The following DLG1 variants were observed in gnomAD, a reference collection of about 807,000 sequenced individuals.
The protein encoded by DLG1 is disks large homolog 1.
DLG1 carries 42 observed loss-of-function variants against 123.4 expected under a neutral mutation model. That is an observed-to-expected ratio of 0.34 (90% confidence interval 0.27 to 0.44). DLG1 has a LOEUF of 0.44. Among genes scored for constraint, DLG1 ranks in the 20% least tolerant of loss-of-function variants. The probability of loss-of-function intolerance (pLI) is 1.00; values close to 1 mark genes in which losing one functional copy is unlikely to be tolerated. For missense variants in DLG1, 942 were observed against 1,082.6 expected (o/e 0.87, Z 1.82); for synonymous variants, 317 against 356.2 (o/e 0.89, Z 1.24).
In DLG1 at chr3:197,194,592, G is replaced by A. The variant is rs373822526; in HGVS notation, c.319-3C>T. The A allele has an allele frequency of 4.1e-5, 64 of 1,572,380 alleles. No individual in the cohort carries two copies. Among genetic ancestry groups the A allele is most frequent in the South Asian group, 2.4e-4 (20 of 81,654 alleles). ...TCTTCATCCTGATACCTGTATTTCT[G>A]TAAAGAAAATAAACATGAAGAAGCC... On this transcript the variant is annotated splice_region_variant and splice_polypyrimidine_tract_variant and intron_variant, in intron 4 of 24. Transcript: ENST00000667157.
intron 5 of DLG1, among the ~76,000 whole-genome samples, chr3:197,185,784 A>T (rs571150474): frequency 5.3e-5 from 8 of 152,310 alleles, no homozygotes; most frequent in Admixed American, 3.3e-4. Context: ...ATGGATGAAG[A>T]TACTGAATAC....
At chr3:197,220,191 A>T (rs1736235384) in intron 4 of DLG1, among the ~76,000 whole-genome samples, 1 of 152,190 alleles carries the variant, frequency 6.6e-6, no homozygotes, top group Non-Finnish European at 1.5e-5. Context: ...TGAATCAATG[A>T]ATAAATTAAT....
intron 13 of DLG1, among the ~76,000 whole-genome samples, chr3:197,110,173 ATTCT>A (rs1453358115): frequency 2.0e-5 from 3 of 151,784 alleles, no homozygotes; most frequent in Non-Finnish European, 2.9e-5. Context: ...ATTTTTCTTC[ATTCT>A]TTCTTTCTTT....
In DLG1 at chr3:197,211,039, T is replaced by C. The variant is rs1394077772; in HGVS notation, c.319-16450A>G. ...CATCTAAAAAATAAATTAATGTAAT[T>C]CTCTATATTTAACAGAATGAAGGAG... On this transcript the variant is annotated intron_variant, in intron 4 of 24. Transcript: ENST00000667157. Among the ~76,000 whole-genome samples the C allele has an allele frequency of 7.6e-5, 11 of 143,876 alleles. 3 individuals carry two copies. The highest frequency in any genetic ancestry group is 1.7e-4 in the Non-Finnish European group (11 of 63,928). The allele number at this position is 143,876 out of a possible 152,430, so 94.4% of individuals were successfully genotyped here.
chr3:197,107,100 G>A (rs1038785522), intron 13 of DLG1, among the ~76,000 whole-genome samples: 4 of 151,940 alleles, frequency 2.6e-5, no homozygotes, highest in Non-Finnish European at 4.4e-5. Context: ...ATACCTATTC[G>A]GTATATTTCA....
intron 11 of DLG1, among the ~76,000 whole-genome samples, chr3:197,122,781 G>C (rs1413634586): frequency 6.6e-6 from 1 of 152,078 alleles, no homozygotes; most frequent in Non-Finnish European, 1.5e-5. Context: ...AATAAAAGAA[G>C]AGATATTCAT....
chr3:197,244,285 T>C (rs1277212245), intron 4 of DLG1, among the ~76,000 whole-genome samples: 5 of 152,058 alleles, frequency 3.3e-5, no homozygotes, highest in Non-Finnish European at 5.9e-5. Context: ...GGATGTGAGG[T>C]GTTGGAAGGG....
chr3:197,059,900 C>G lies in DLG1; in HGVS notation c.2472G>C (p.Met824Ile). The change falls in exon 23 of 25, where the codon ATG becomes ATC. Residue 824 changes from methionine (M) to isoleucine (I), a missense_variant. Physicochemically the swap from Met to Ile is conservative, Grantham distance 10. Coordinates refer to ENST00000667157, the MANE Select transcript of DLG1 (RefSeq NM_001366207.1). ...PISIFIKPKSMENIMEMNKRL... is the reference protein window; with the variant it reads ...PISIFIKPKSIENIMEMNKRL... ...GCATTTACACTTACATGATATTTTC[C>G]ATGGATTTGGGTTTAATAAAAATGG... 6.2e-7 allele frequency: 1 copy of G among 1,611,248 alleles called. No homozygotes were observed.
At chr3:197,076,136 AG>A (rs1354360281) in intron 18 of DLG1, among the ~76,000 whole-genome samples, 1 of 152,212 alleles carries the variant, frequency 6.6e-6, no homozygotes. Context: ...CTATTTTAAA[AG>A]TAAAATCCAG....
intron 4 of DLG1, among the ~76,000 whole-genome samples, chr3:197,205,239 T>C (rs1727905695): frequency 6.6e-6 from 1 of 152,050 alleles, no homozygotes; most frequent in African/African-American, 2.4e-5. Flanking sequence ...TATGATTTTA[T>C]AGGAAGATAT....
intron 23 of DLG1, among the ~76,000 whole-genome samples, chr3:197,052,551 G>A (rs959029994): frequency 6.6e-6 from 1 of 152,116 alleles, no homozygotes; most frequent in Non-Finnish European, 1.5e-5. Flanking sequence ...AATGACAGAG[G>A]GTTTTAACAA....
intron 13 of DLG1, among the ~76,000 whole-genome samples, chr3:197,115,550 T>C (rs1425119934): frequency 6.6e-6 from 1 of 152,204 alleles, no homozygotes; most frequent in Non-Finnish European, 1.5e-5. Context: ...GTTGAACCCA[T>C]GTTTGGGTAG....
intron 23 of DLG1, 146 bp from the exon 24 acceptor site, chr3:197,051,814 A>T (rs569254925): frequency 1.2e-5 from 6 of 484,012 alleles, no homozygotes; most frequent in East Asian, 3.9e-5. Context: ...AACTTGAGTC[A>T]TTCTGGTCAT....
chr3:197,195,644 A>G (rs969427962), intron 4 of DLG1, among the ~76,000 whole-genome samples: 7 of 152,128 alleles, frequency 4.6e-5, no homozygotes, highest in African/African-American at 1.4e-4. Context: ...ACAAAATACT[A>G]TTATGTTCCC....
intron 5 of DLG1, among the ~76,000 whole-genome samples, chr3:197,169,879 T>C (rs1803263110): frequency 6.6e-6 from 1 of 152,100 alleles, no homozygotes; most frequent in African/African-American, 2.4e-5. Flanking sequence ...ATAGTACCCA[T>C]TTAGTTATTT....
At chr3:197,153,547 A>C (rs1359480349) in intron 5 of DLG1, among the ~76,000 whole-genome samples, 1 of 152,180 alleles carries the variant, frequency 6.6e-6, no homozygotes, top group African/African-American at 2.4e-5. Context: ...ACAAAGGTGC[A>C]AACAGGCCCT....
chr3:197,069,376 ATTTTCT>A (rs928454703), intron 18 of DLG1, 116 bp from the exon 19 acceptor site: 2 of 590,210 alleles, frequency 3.4e-6, no homozygotes, highest in African/African-American at 3.9e-5. Context: ...TTTTAAAAGC[ATTTTCT>A]TTTTCTTTGA....
intron 1 of DLG1, chr3:197,297,690 G>A: frequency 1.0e-6 from 1 of 989,204 alleles, no homozygotes; most frequent in Middle Eastern, 5.2e-4. Context: ...CTTGCTCGCT[G>A]CCTCCGGGCT....
intron 3 of DLG1, among the ~76,000 whole-genome samples, chr3:197,292,022 C>A (rs1031598549): frequency 6.6e-6 from 1 of 152,138 alleles, no homozygotes; most frequent in Non-Finnish European, 1.5e-5. Flanking sequence ...GCTGGTGAGA[C>A]TGTAAAATGC....
Sources: allele counts gnomAD v4.1 joint callset (sites outside exome capture counted in the v4.1 genomes callset), GRCh38; gene constraint gnomAD v4.1.1; transcripts MANE v1.5; gene names NCBI Gene and HGNC (gene_info 2026-07-23, HGNC 2026-07-21).